GSS: variants seen among roughly 807,000 people sequenced by gnomAD.
The protein encoded by GSS is glutathione synthetase, also known as GSH synthetase.
In GSS, 34 loss-of-function variants were observed where a neutral mutation model predicts 60.4. The ratio of observed to expected loss-of-function variants is 0.56; its 90% CI spans 0.43 to 0.75. GSS has a LOEUF of 0.75. GSS is among the 30% of genes least tolerant of loss of function. The pLI is 0.00. For synonymous variants in GSS, 224 were observed against 239.0 expected, an observed-to-expected ratio of 0.94 and a Z score of 0.58; for missense variants, 499 against 595.1, an observed-to-expected ratio of 0.84 and a Z score of 1.68.
rs528775339 is a variant in GSS at position 34,931,955 on chromosome 20, A to T, written c.1013T>A (p.Leu338His). 6.2e-7 allele frequency: 1 copy of T among 1,614,038 alleles called. No individual in the cohort carries two copies. The highest frequency in any genetic ancestry group is 1.3e-5 in the African/African-American group (1 of 75,058). ...CCCACGTACCACATCCAGTGAGTAG[A>T]GGCCAGCAAAGGTGGCGCGGAGGCG... ...VARLRATFAG[L>H]YSLDVGEEGD... The change falls in exon 10 of 13, where the codon CTC (leucine) becomes CAC (histidine). Residue 338 changes from leucine (L) to histidine (H), a missense_variant. Transcript: ENST00000651619.
In GSS at chr20:34,931,577, A is replaced by G. The variant is rs1046191949; in HGVS notation, c.1030-160T>C. 20 of 707,862 alleles carry G rather than the reference A, an allele frequency of 2.8e-5. No homozygotes were observed. The Admixed American group carries it at 3.4e-4, about 12-fold the overall frequency. The allele number at this position is 707,862 out of a possible 1,614,324, so 43.8% of individuals were successfully genotyped here. The stretch of plus-strand genomic sequence containing the variant: ...TGCTACTATCTGGATGACACTCCCA[A>G]CAAACCCCCTGCAGCAGCCGATGCA... On this transcript the variant is annotated intron_variant, in intron 10 of 12. Coordinates refer to ENST00000651619, the MANE Select transcript of GSS (RefSeq NM_000178.4).
chr20:34,931,838 T>C, intron 10 of GSS, 101 bp downstream of exon 10: 1 of 1,113,908 alleles, frequency 9.0e-7, no homozygotes, highest in Admixed American at 1.8e-5. Context: ...AGCTCCACCT[T>C]CCCCTTGTCA....
intron 6 of GSS, 84 bp from the exon 7 acceptor site, chr20:34,937,107 C>T (rs755567751): frequency 1.1e-6 from 1 of 891,016 alleles, no homozygotes; most frequent in Non-Finnish European, 1.9e-6. Flanking sequence ...TACCGCCCCA[C>T]CTCCTGGAAT....
chr20:34,928,481 G>GC lies in GSS; in HGVS notation c.*346dup. The GC allele has an allele frequency of 2.4e-6, 1 of 412,164 alleles. No individual in the cohort carries two copies. The highest frequency in any genetic ancestry group is 4.6e-6 in the Non-Finnish European group (1 of 219,460). 25.5% of individuals were successfully genotyped at this position (412,164 alleles called of 1,614,324 possible). A position where few individuals can be genotyped will look rare whatever the true frequency, so the allele number is the denominator to read the frequency against. ...TAAGGCAGAATTAGGGAAAGGCTAT[G>GC]CCCCTCCACTCCCCCTCCTCCTACC... On this transcript the variant is annotated 3_prime_UTR_variant, in exon 13 of 13. Transcript: ENST00000651619.
chr20:34,936,628 G>A, intron 8 of GSS, 135 bp downstream of exon 8: 1 of 821,366 alleles, frequency 1.2e-6, no homozygotes, highest in Non-Finnish European at 2.2e-6. Flanking sequence ...TTCCTGGGAG[G>A]ATGAGATATT....
chr20:34,930,530 T>C (rs1394278511), intron 11 of GSS, among the ~76,000 whole-genome samples: 2 of 152,168 alleles, frequency 1.3e-5, no homozygotes, highest in Non-Finnish European at 1.5e-5. Context: ...CCCAGGCCTC[T>C]ACGTTGCTCT....
intron 11 of GSS, 86 bp from the exon 12 acceptor site, chr20:34,929,676 C>T (rs2081384583): frequency 8.6e-7 from 1 of 1,162,762 alleles, no homozygotes; most frequent in Non-Finnish European, 1.3e-6. Context: ...ATGGGCAAGT[C>T]AGCAGCCTCA....
intron 2 of GSS, among the ~76,000 whole-genome samples, chr20:34,948,581 C>T (rs1197521393): frequency 6.6e-6 from 1 of 151,972 alleles, no homozygotes; most frequent in African/African-American, 2.4e-5. Context: ...ATCAAGAGAT[C>T]GAGACCATCC....
intron 2 of GSS, among the ~76,000 whole-genome samples, chr20:34,947,355 T>C (rs1274894501): frequency 6.6e-6 from 1 of 152,228 alleles, no homozygotes; most frequent in African/African-American, 2.4e-5. Context: ...CCCAAAGTGT[T>C]GGGATTACAG....
intron 5 of GSS, 113 bp downstream of exon 5, chr20:34,942,375 C>A: frequency 9.9e-7 from 1 of 1,010,816 alleles, no homozygotes; most frequent in Non-Finnish European, 1.5e-6. Context: ...CAACATGTGA[C>A]CCGGGGCCCA....
chr20:34,955,207 C>T (rs928092460), intron 1 of GSS: 3 of 152,364 alleles, frequency 2.0e-5, no homozygotes, highest in Middle Eastern at 3.4e-3. Context: ...TTGATCACTT[C>T]TCTACCTAGT....
intron 8 of GSS, among the ~76,000 whole-genome samples, chr20:34,935,847 A>T (rs1479998743): frequency 2.0e-5 from 3 of 152,206 alleles, no homozygotes; most frequent in Non-Finnish European, 2.9e-5. Context: ...GGTGTGCCAT[A>T]CAGAATACTT....
At chr20:34,953,210 A>G (rs1404289041) in intron 1 of GSS, among the ~76,000 whole-genome samples, 1 of 152,200 alleles carries the variant, frequency 6.6e-6, no homozygotes, top group Non-Finnish European at 1.5e-5. Context: ...TTGCCATTTA[A>G]CAGAACATGG....
intron 10 of GSS, 193 bp from the exon 11 acceptor site, chr20:34,931,610 C>G (rs1481353702): frequency 7.5e-6 from 5 of 667,068 alleles, no homozygotes; most frequent in Non-Finnish European, 1.4e-5. Context: ...GCAATGAGAA[C>G]AGGCCTTTCT....
At chr20:34,937,551 G>A (rs891509007) in intron 6 of GSS, among the ~76,000 whole-genome samples, 2 of 152,102 alleles carry the variant, frequency 1.3e-5, no homozygotes, top group African/African-American at 2.4e-5. Flanking sequence ...AACCCACAGG[G>A]CCAACTACAA....
intron 6 of GSS, among the ~76,000 whole-genome samples, chr20:34,940,539 A>C (rs2081474531): frequency 1.3e-5 from 2 of 152,132 alleles, no homozygotes; most frequent in African/African-American, 4.8e-5. Context: ...CCAACTCATC[A>C]CTTAGCCTTA....
At chr20:34,952,105 A>G in intron 1 of GSS, 1 of 543,010 alleles carries the variant, frequency 1.8e-6, no homozygotes, top group Non-Finnish European at 3.4e-6. Flanking sequence ...CAATGGCATT[A>G]TTCTCACAGT....
intron 2 of GSS, among the ~76,000 whole-genome samples, chr20:34,950,405 G>T (rs982841957): frequency 1.3e-5 from 2 of 152,036 alleles, no homozygotes; most frequent in African/African-American, 4.8e-5. Flanking sequence ...AAAAAGAAGA[G>T]ATGTTGGCAG....
At chr20:34,934,783 G>A (rs1451260931) in intron 9 of GSS, among the ~76,000 whole-genome samples, 5 of 152,098 alleles carry the variant, frequency 3.3e-5, no homozygotes, top group African/African-American at 7.2e-5. Context: ...AGCTCCCCCC[G>A]CTCATAGAAA....
Sources: gnomAD v4.1 joint callset for allele counts (sites outside exome capture counted in the v4.1 genomes callset) on GRCh38, gnomAD v4.1.1 for gene constraint, MANE v1.5 for transcripts, NCBI Gene and HGNC (gene_info 2026-07-23, HGNC 2026-07-21) for gene names.